The following ACTN2 variants were observed in gnomAD, a reference collection of about 807,000 sequenced individuals.
ACTN2 encodes the protein alpha-actinin-2.
A neutral mutation model predicts 113.8 loss-of-function variants in ACTN2; 39 were observed. The observed-to-expected ratio is 0.34, with a 90% CI of 0.27 to 0.45. ACTN2 has a LOEUF of 0.45. Ranked by LOEUF, ACTN2 falls within the 20% of genes least tolerant of loss-of-function variation. The pLI, the probability that ACTN2 is intolerant of heterozygous loss-of-function variation, is 1.00. For missense variants in ACTN2, 992 were observed against 1,177.9 expected (o/e 0.84, Z 2.31); for synonymous variants, 429 against 444.1 (o/e 0.97, Z 0.43).
intron 5 of ACTN2, 150 bp downstream of exon 5, chr1:236,726,170 A>G: frequency 1.4e-6 from 1 of 738,482 alleles, no homozygotes; most frequent in Non-Finnish European, 2.4e-6. Flanking sequence ...CTTGATGCTT[A>G]AAGTCTCCCA....
At chr1:236,693,902 AG>A (rs751988562) in intron 1 of ACTN2, among the ~76,000 whole-genome samples, 1 of 152,186 alleles carries the variant, frequency 6.6e-6, no homozygotes, top group Non-Finnish European at 1.5e-5. Context: ...TTGTGAGGCC[AG>A]GCCTGAACTA....
chr1:236,734,164 G>A (rs1482068175), intron 7 of ACTN2, among the ~76,000 whole-genome samples: 2 of 152,176 alleles, frequency 1.3e-5, no homozygotes, highest in Admixed American at 1.3e-4. Context: ...GTCCGTGGAG[G>A]TGCCTTTCTT....
At chr1:236,739,202 A>G in intron 9 of ACTN2, 100 bp from the exon 10 acceptor site, 1 of 1,231,626 alleles carries the variant, frequency 8.1e-7, no homozygotes, top group Non-Finnish European at 1.2e-6. Flanking sequence ...TTTTAGGAAC[A>G]TTCATCCTTT....
At chr1:236,728,782 A>G (rs1658635112) in intron 6 of ACTN2, among the ~76,000 whole-genome samples, 1 of 152,026 alleles carries the variant, frequency 6.6e-6, no homozygotes, top group African/African-American at 2.4e-5. Context: ...TAGTCCCAGC[A>G]CTTTGGGAAG....
intron 1 of ACTN2, among the ~76,000 whole-genome samples, chr1:236,715,339 T>A (rs1773445): frequency 0.99 from 135,620 of 136,556 alleles, 67,352 homozygotes; most frequent in Middle Eastern, 1. Flanking sequence ...TGAAGTTTTA[T>A]ACCAAAGAAA....
intron 1 of ACTN2, among the ~76,000 whole-genome samples, chr1:236,695,036 C>T (rs150843729): frequency 4.6e-5 from 7 of 151,776 alleles, no homozygotes; most frequent in South Asian, 4.2e-4. Flanking sequence ...ACTGCACTCC[C>T]GCTCTGGGTG....
Position 236,721,015 on chromosome 1 carries a change from G to GGTTTTTTTTTTTTTTTTTTTTTTTTTTT in ACTN2, c.448+824_448+825insGTTTTTTTTTTTTTTTTTTTTTTTTTTT. On this transcript the variant is annotated intron_variant, in intron 4 of 20. Coordinates refer to ENST00000366578, the MANE Select transcript of ACTN2 (RefSeq NM_001103.4). ...ACAGTAGCCTCTGACTCTGGTTTTT[G>GGTTTTTTTTTTTTTTTTTTTTTTTTTTT]TTTTTTGTTTTTTTTTTTTTTTTTT... is the stretch of plus-strand genomic sequence containing the variant. Among the ~76,000 whole-genome samples the GGTTTTTTTTTTTTTTTTTTTTTTTTTTT allele has an allele frequency of 5.5e-3, 268 of 49,170 alleles. 125 individuals carry two copies. The highest frequency in any genetic ancestry group is 0.012 in the South Asian group (14 of 1,146). The allele number at this position is 49,170 out of a possible 152,430, so 32.3% of individuals were successfully genotyped here.
chr1:236,757,889 C>T (rs1659595643), intron 18 of ACTN2, among the ~76,000 whole-genome samples: 1 of 152,162 alleles, frequency 6.6e-6, no homozygotes, highest in Non-Finnish European at 1.5e-5. Context: ...GACATCAAAG[C>T]TGATTTGTTC....
rs185007111 is a variant in ACTN2 at position 236,752,864 on chromosome 1, A to C, written c.1840-1083A>C. The stretch of plus-strand genomic sequence containing the variant: ...CGTCACGCCTGGGCAGAAATATATC[A>C]TTTTTTAAAGTGAGACAAACTTTTC... On this transcript the variant is annotated intron_variant, in intron 15 of 20. Coordinates refer to ENST00000366578, the MANE Select transcript of ACTN2 (RefSeq NM_001103.4). Among the ~76,000 whole-genome samples the C allele has an allele frequency of 2.5e-3, 377 of 152,318 alleles. 3 individuals are homozygous for C. The highest frequency in any genetic ancestry group is 4.2e-3 in the Non-Finnish European group (287 of 68,032).
chr1:236,690,023 G>A lies in ACTN2; in HGVS notation c.126+3224G>A, dbSNP rs114266079. 3.8e-3 allele frequency among the ~76,000 whole-genome samples: 582 copies of A among 152,322 alleles called. 3 individuals carry two copies. Among genetic ancestry groups the A allele is most frequent in the African/African-American group, 0.013 (521 of 41,570 alleles). ...GGGTCCTTATGTCCATAATCAGTCCGTGGCTTGATGATAGATAAACTTTTC... is the reference window on the plus strand; with the variant it reads ...GGGTCCTTATGTCCATAATCAGTCCATGGCTTGATGATAGATAAACTTTTC... On this transcript the variant is annotated intron_variant, in intron 1 of 20. Coordinates refer to ENST00000366578, the MANE Select transcript of ACTN2 (RefSeq NM_001103.4).
chr1:236,757,671 C>T, intron 18 of ACTN2, 39 bp downstream of exon 18: 1 of 1,612,066 alleles, frequency 6.2e-7, no homozygotes. Flanking sequence ...ATACTGGGGA[C>T]ATTAAACAAT....
chr1:236,719,582 A>G (rs1350609091), intron 3 of ACTN2, among the ~76,000 whole-genome samples: 1 of 152,160 alleles, frequency 6.6e-6, no homozygotes, highest in Non-Finnish European at 1.5e-5. Flanking sequence ...TGAGGTGAGG[A>G]GTTCAAGACC....
At position 236,754,952 on chromosome 1, in the gene ACTN2, G is replaced by A. The variant is rs186287257; in HGVS notation, c.1975-67G>A. On this transcript the variant is annotated intron_variant, in intron 16 of 20. Coordinates refer to ENST00000366578, the MANE Select transcript of ACTN2 (RefSeq NM_001103.4). The surrounding 1 kb of genome is among the most constrained non-coding windows in gnomAD (Gnocchi z 4.9). ...CATGCAGGGTCTGGAACGGCGCCTC[G>A]TGCCGAGCTCCCTTAGAGGGCACTT... 4.0e-4 allele frequency: 643 copies of A among 1,601,396 alleles called. 12 individuals are homozygous for A. The South Asian group carries it at 6.7e-3, about 17-fold the overall frequency.
At chr1:236,736,763 T>C in intron 8 of ACTN2, 1 of 824,088 alleles carries the variant, frequency 1.2e-6, no homozygotes, top group Non-Finnish European at 1.9e-6. Context: ...ATGAGATCAG[T>C]GGAGAGTTCA....
chr1:236,725,808 C>T (rs1279078353), intron 4 of ACTN2, 125 bp from the exon 5 acceptor site: 11 of 833,806 alleles, frequency 1.3e-5, no homozygotes, highest in Non-Finnish European at 2.1e-5. Context: ...ATGCACTTGC[C>T]GAGGCTGTAG....
At chr1:236,736,813 C>G (rs1658891824) in intron 8 of ACTN2, 3 of 637,062 alleles carry the variant, frequency 4.7e-6, no homozygotes, top group Admixed American at 5.7e-5. Context: ...TTTCCTGGAC[C>G]CAAATATTTC....
At chr1:236,688,951 C>T (rs755978146) in intron 1 of ACTN2, among the ~76,000 whole-genome samples, 16 of 152,070 alleles carry the variant, frequency 1.1e-4, no homozygotes, top group East Asian at 7.7e-4. Flanking sequence ...TGATGACGTC[C>T]GTGGCGTTAT....
chr1:236,759,523 C>G (rs1659643360), intron 18 of ACTN2, among the ~76,000 whole-genome samples: 1 of 152,028 alleles, frequency 6.6e-6, no homozygotes, highest in Admixed American at 6.6e-5. Context: ...CTTTACCCTC[C>G]TCTCCCCTCT....
At position 236,720,120 on chromosome 1, in the gene ACTN2, A is replaced by G; in HGVS notation, c.377A>G (p.Asn126Ser). ...TTACCTGCAGAAATTGTTGATGGCA[A>G]CGTGAAAATGACCCTGGGTATGATC... Reference protein sequence around the residue: ...SIGAEEIVDGNVKMTLGMIWT... With the variant: ...SIGAEEIVDGSVKMTLGMIWT... Residue 126 changes from asparagine to serine, a missense_variant, in exon 4 of 21, where the codon AAC becomes AGC. Asn to Ser is a conservative substitution (Grantham distance 46). Transcript: ENST00000366578. The G allele has an allele frequency of 1.9e-6, 3 of 1,611,734 alleles. No individual in the cohort carries two copies. Among genetic ancestry groups the G allele is most frequent in the Non-Finnish European group, 2.5e-6 (3 of 1,177,776 alleles).
Sources: allele counts gnomAD v4.1 joint callset (sites outside exome capture counted in the v4.1 genomes callset), GRCh38; gene constraint gnomAD v4.1.1; non-coding constraint Gnocchi (gnomAD v3.1); transcripts MANE v1.5; gene names NCBI Gene and HGNC (gene_info 2026-07-23, HGNC 2026-07-21).